Variants in STARD13 observed in about 807,000 individuals in gnomAD.
The protein encoded by STARD13 is StAR related lipid transfer domain containing 13.
Under a neutral mutation model 106.4 loss-of-function variants are expected in STARD13, and 62 were observed. The observed-to-expected ratio is 0.58, with a 90% CI of 0.48 to 0.72. The LOEUF is 0.72. Ranked by LOEUF, STARD13 falls within the 30% of genes least tolerant of loss-of-function variation. STARD13 has a pLI of 0.00. For synonymous variants in STARD13, 565 were observed against 553.0 expected (o/e 1.02, Z -0.31); for missense variants, 1,387 against 1,424.0 (o/e 0.97, Z 0.42).
intron 3 of STARD13, among the ~76,000 whole-genome samples, chr13:33,145,477 C>T (rs900877311): frequency 7.9e-5 from 12 of 152,090 alleles, no homozygotes; most frequent in Admixed American, 3.3e-4. Flanking sequence ...CCACTCTCAG[C>T]TACTTATGCA....
At chr13:33,342,123 A>G (rs1566149662) in intron 1 of STARD13, among the ~76,000 whole-genome samples, 1 of 152,204 alleles carries the variant, frequency 6.6e-6, no homozygotes, top group African/African-American at 2.4e-5. Flanking sequence ...GACATTGGTT[A>G]TCTATTTATA....
At chr13:33,634,651 GA>G in the STARD13 span, among the ~76,000 whole-genome samples, 1 of 152,128 alleles carries the variant, frequency 6.6e-6, no homozygotes, top group African/African-American at 2.4e-5. Context: ...TGTTGTACCA[GA>G]ACTGAATAGT....
the STARD13 span, among the ~76,000 whole-genome samples, chr13:33,414,879 A>G: frequency 1.3e-5 from 2 of 152,208 alleles, no homozygotes; most frequent in African/African-American, 2.4e-5. Flanking sequence ...TATACATAGC[A>G]TGCTTCCATT....
At chr13:33,406,484 T>C in the STARD13 span, among the ~76,000 whole-genome samples, 3 of 152,228 alleles carry the variant, frequency 2.0e-5, no homozygotes, top group African/African-American at 7.2e-5. Flanking sequence ...TCTAGTCAAC[T>C]AACTGATCAA....
intron 1 of STARD13, among the ~76,000 whole-genome samples, chr13:33,197,892 C>T (rs1053620034): frequency 2.0e-5 from 3 of 152,172 alleles, no homozygotes; most frequent in South Asian, 2.1e-4. Context: ...TGTTTCAGGC[C>T]GGGCGCGGTG....
chr13:33,499,651 T>TCTTCTTCTC, the STARD13 span, among the ~76,000 whole-genome samples: 2 of 125,520 alleles, frequency 1.6e-5, no homozygotes, highest in Admixed American at 8.4e-5. Context: ...TTCTTCTCCT[T>TCTTCTTCTC]CTTCTTCTTC....
At chr13:33,597,016 T>C in the STARD13 span, among the ~76,000 whole-genome samples, 3 of 152,356 alleles carry the variant, frequency 2.0e-5, no homozygotes, top group East Asian at 3.9e-4. Context: ...AGGTATCTGT[T>C]GATATACTGA....
chr13:33,132,473 T>C (rs1421486873), intron 4 of STARD13, among the ~76,000 whole-genome samples: 1 of 152,238 alleles, frequency 6.6e-6, no homozygotes, highest in Non-Finnish European at 1.5e-5. Context: ...ACCATGATTG[T>C]GAGGCCTGCT....
At chr13:33,423,781 C>T in the STARD13 span, among the ~76,000 whole-genome samples, 3 of 152,190 alleles carry the variant, frequency 2.0e-5, no homozygotes, top group South Asian at 2.1e-4. Context: ...AGGATAAGTT[C>T]GTGTCCTTTG....
intron 1 of STARD13, among the ~76,000 whole-genome samples, chr13:33,296,247 C>T (rs569471609): frequency 6.6e-6 from 1 of 151,048 alleles, no homozygotes; most frequent in Admixed American, 6.6e-5. Flanking sequence ...AAAAAATCAC[C>T]ATGACATAGG....
chr13:33,497,697 G>C, the STARD13 span, among the ~76,000 whole-genome samples: 2 of 152,070 alleles, frequency 1.3e-5, no homozygotes, highest in African/African-American at 2.4e-5. Flanking sequence ...TCTGTCTAGA[G>C]CTATTACTGT....
intron 1 of STARD13, among the ~76,000 whole-genome samples, chr13:33,176,252 A>G (rs890539360): frequency 4.6e-5 from 7 of 152,206 alleles, no homozygotes; most frequent in African/African-American, 1.7e-4. Context: ...AAAACTTGAT[A>G]TTGTATGTAT....
chr13:33,206,366 A>AACACACACACACACACACACACAC lies in STARD13; in HGVS notation c.170-38768_170-38745dup, dbSNP rs59306930. 2.0e-5 allele frequency among the ~76,000 whole-genome samples: 3 copies of AACACACACACACACACACACACAC among 149,472 alleles called. 1 individual carries two copies. Among genetic ancestry groups the AACACACACACACACACACACACAC allele is most frequent in the Non-Finnish European group, 4.5e-5 (3 of 67,306 alleles). On this transcript the variant is annotated intron_variant, in intron 1 of 13. Coordinates refer to ENST00000336934, the MANE Select transcript of STARD13 (RefSeq NM_178006.4). Reference sequence around the variant, plus strand: ...CTCGAAAGAAGATGCCCATGACTGAAACACACACACACACACACACACACA... The same window carrying AACACACACACACACACACACACAC: ...CTCGAAAGAAGATGCCCATGACTGAAACACACACACACACACACACACACACACACACACACACACACACACACA...
the STARD13 span, among the ~76,000 whole-genome samples, chr13:33,604,799 TA>T: frequency 0.033 from 4,537 of 137,230 alleles, 151 homozygotes; most frequent in African/African-American, 0.1. Flanking sequence ...ACTTTGTCTT[TA>T]AAAAAAAAAA....
At position 33,212,255 on chromosome 13, in the gene STARD13, G is replaced by A. The variant is rs143133686; in HGVS notation, c.170-44633C>T. Among the ~76,000 whole-genome samples, 1,258 of 152,252 alleles carry A rather than the reference G, an allele frequency of 8.3e-3. 3 individuals are homozygous for A. Among genetic ancestry groups the A allele is most frequent in the Middle Eastern group, 0.024 (7 of 294 alleles). ...AGTGTGGTAGAAAAGATGGGTGAGT[G>A]AACCCGCACAAACTCATAAATGAAA... On this transcript the variant is annotated intron_variant, in intron 1 of 13. Transcript: ENST00000336934.
chr13:33,451,891 C>A, the STARD13 span, among the ~76,000 whole-genome samples: 1 of 152,188 alleles, frequency 6.6e-6, no homozygotes, highest in African/African-American at 2.4e-5. Flanking sequence ...ATTGATACCT[C>A]TGAAGTCACT....
At chr13:33,496,955 C>CG in the STARD13 span, among the ~76,000 whole-genome samples, 1 of 152,122 alleles carries the variant, frequency 6.6e-6, no homozygotes, top group Non-Finnish European at 1.5e-5. Flanking sequence ...TTTTTCTCAA[C>CG]TGAACCTCAA....
intron 3 of STARD13, among the ~76,000 whole-genome samples, chr13:33,157,387 G>A (rs895411890): frequency 6.6e-6 from 1 of 152,160 alleles, no homozygotes; most frequent in African/African-American, 2.4e-5. Context: ...TTCAGAGATG[G>A]CCAGGCATGG....
chr13:33,112,951 A>G lies in STARD13; in HGVS notation c.2282-20T>C. 2 of 1,574,686 alleles carry G rather than the reference A, an allele frequency of 1.3e-6. No homozygotes were observed. The highest frequency in any genetic ancestry group is 2.3e-5 in the South Asian group (2 of 85,330). Reference sequence around the variant, plus strand: ...AGACATCTGAGGAAAAGTGGATGCCAGGTCATTGGAGGAGCAGACATAGAA... The same window carrying G: ...AGACATCTGAGGAAAAGTGGATGCCGGGTCATTGGAGGAGCAGACATAGAA... On this transcript the variant is annotated intron_variant, in intron 8 of 13. Transcript: ENST00000336934.
Sources: allele counts gnomAD v4.1 joint callset (sites outside exome capture counted in the v4.1 genomes callset), GRCh38; gene constraint gnomAD v4.1.1; transcripts MANE v1.5; gene names NCBI Gene and HGNC (gene_info 2026-07-23, HGNC 2026-07-21).